DCAF6: variants seen among roughly 807,000 people sequenced by gnomAD.
DCAF6 encodes the protein DDB1- and CUL4-associated factor 6.
A neutral mutation model predicts 125.1 loss-of-function variants in DCAF6; 54 were observed. The observed-to-expected ratio is 0.43, with a 90% CI of 0.35 to 0.54. DCAF6 has a LOEUF of 0.54. Among genes scored for constraint, DCAF6 ranks in the 20% least tolerant of loss-of-function variants. The pLI, the probability that DCAF6 is intolerant of heterozygous loss-of-function variation, is 0.01. For missense variants in DCAF6, 934 were observed against 1,161.7 expected (o/e 0.80, Z 2.85); for synonymous variants, 371 against 390.4 (o/e 0.95, Z 0.58).
chr1:167,878,458 C>A, the DCAF6 span: 9 of 1,613,862 alleles, frequency 5.6e-6, no homozygotes, highest in Non-Finnish European at 7.6e-6. Flanking sequence ...TTTCTCAGTA[C>A]GGCCCCAATA....
intron 3 of DCAF6, 63 bp from the exon 4 acceptor site, chr1:167,974,767 T>C: frequency 7.7e-7 from 1 of 1,304,788 alleles, no homozygotes; most frequent in Non-Finnish European, 1.0e-6. Flanking sequence ...TATGATTATA[T>C]TAAAAATGAA....
intron 13 of DCAF6, among the ~76,000 whole-genome samples, chr1:168,041,840 T>G (rs1436663261): frequency 6.6e-6 from 1 of 151,614 alleles, no homozygotes; most frequent in Admixed American, 6.6e-5. Flanking sequence ...AGCTTTTTTT[T>G]GCCAAAATAG....
chr1:168,067,213 C>T (rs1692449910), intron 20 of DCAF6, among the ~76,000 whole-genome samples: 1 of 152,092 alleles, frequency 6.6e-6, no homozygotes, highest in African/African-American at 2.4e-5. Context: ...TAGCACAATT[C>T]CCATGTATAC....
intron 1 of DCAF6, among the ~76,000 whole-genome samples, chr1:167,946,213 C>T (rs1673066121): frequency 6.6e-6 from 1 of 152,146 alleles, no homozygotes; most frequent in Admixed American, 6.5e-5. Flanking sequence ...ACCTCAGCCT[C>T]CCAAAGTGCT....
intron 10 of DCAF6, among the ~76,000 whole-genome samples, chr1:168,012,654 G>A (rs530974965): frequency 6.6e-6 from 1 of 152,226 alleles, no homozygotes; most frequent in Non-Finnish European, 1.5e-5. Context: ...GTTATGTCTG[G>A]TTGAATTTTT....
At chr1:168,003,368 G>GTTAAT (rs1682904774) in intron 8 of DCAF6, among the ~76,000 whole-genome samples, 2 of 152,168 alleles carry the variant, frequency 1.3e-5, no homozygotes, top group African/African-American at 4.8e-5. Flanking sequence ...TCTGGTTCCA[G>GTTAAT]TTAATTTCAA....
chr1:167,899,763 T>G, the DCAF6 span: 1 of 824,444 alleles, frequency 1.2e-6, no homozygotes, highest in Non-Finnish European at 2.0e-6. Context: ...AAACTTTACA[T>G]AGGAATTATG....
At chr1:168,045,626 A>G (rs563688793) in intron 16 of DCAF6, among the ~76,000 whole-genome samples, 30 of 152,198 alleles carry the variant, frequency 2.0e-4, no homozygotes, top group Admixed American at 9.2e-4. Context: ...CTGCTTTTCT[A>G]TTGACCCTGG....
the DCAF6 span, among the ~76,000 whole-genome samples, chr1:167,865,590 T>C: frequency 6.6e-6 from 1 of 152,192 alleles, no homozygotes; most frequent in South Asian, 2.1e-4. Context: ...GAAGTATTAT[T>C]AAATATAAAA....
intron 21 of DCAF6, 99 bp downstream of exon 21, chr1:168,068,562 T>A (rs1034199778): frequency 3.5e-6 from 2 of 567,060 alleles, no homozygotes; most frequent in Non-Finnish European, 5.3e-6. Flanking sequence ...TTTTTTAATA[T>A]CACAAAATGA....
the DCAF6 span, among the ~76,000 whole-genome samples, chr1:167,893,452 C>T: frequency 6.6e-6 from 1 of 152,086 alleles, no homozygotes; most frequent in Non-Finnish European, 1.5e-5. Flanking sequence ...GTGGCTCATG[C>T]CCATAATCCC....
intron 2 of DCAF6, among the ~76,000 whole-genome samples, chr1:167,959,441 TG>T (rs1675256570): frequency 6.6e-6 from 1 of 152,244 alleles, no homozygotes; most frequent in Non-Finnish European, 1.5e-5. Context: ...AGGAGCATGC[TG>T]TATTGTGTAT....
rs35185748 is a variant in DCAF6 at position 168,007,962 on chromosome 1, CTTTTTTTTTTTTT to C, written c.1378+3184_1378+3196del. ...GTATGTTTTTGTTATTGTTGTACAT[CTTTTTTTTTTTTT>C]TTTTTTTTTTTTTTAAAGACAGTCT... On this transcript the variant is annotated intron_variant, in intron 10 of 21. Transcript: ENST00000367840. 2.6e-3 allele frequency among the ~76,000 whole-genome samples: 177 copies of C among 67,500 alleles called. 7 individuals carry two copies. The South Asian group carries it at 0.085, about 33-fold the overall frequency. The allele number at this position is 67,500 out of a possible 152,430, so 44.3% of individuals were successfully genotyped here. A position where few individuals can be genotyped will look rare whatever the true frequency, so the allele number is the denominator to read the frequency against.
At chr1:167,980,916 C>CTTTTT (rs71100920) in intron 4 of DCAF6, among the ~76,000 whole-genome samples, 4 of 113,566 alleles carry the variant, frequency 3.5e-5, no homozygotes, top group Admixed American at 1.0e-4. Flanking sequence ...TCTGAATTTT[C>CTTTTT]TTTTTTTTTT....
the DCAF6 span, among the ~76,000 whole-genome samples, chr1:167,916,323 C>T: frequency 3.9e-5 from 6 of 152,218 alleles, no homozygotes; most frequent in Non-Finnish European, 8.8e-5. Flanking sequence ...TCTCCTGCCT[C>T]AGCCTCTGGA....
chr1:168,033,400 C>T (rs1687376375), intron 12 of DCAF6, among the ~76,000 whole-genome samples: 1 of 150,806 alleles, frequency 6.6e-6, no homozygotes, highest in Non-Finnish European at 1.5e-5. Flanking sequence ...ACTGCAAGCT[C>T]CGCCTCCCGG....
chr1:167,951,947 G>A, intron 2 of DCAF6, 86 bp downstream of exon 2: 1 of 776,438 alleles, frequency 1.3e-6, no homozygotes. Flanking sequence ...CTCCCAGAAA[G>A]GATTGTGACT....
chr1:167,977,274 CTTCA>C (rs1678396483), intron 4 of DCAF6, among the ~76,000 whole-genome samples: 1 of 147,788 alleles, frequency 6.8e-6, no homozygotes, highest in South Asian at 2.1e-4. Flanking sequence ...CTTTTCTTTC[CTTCA>C]TTCATTCTTT....
At chr1:167,953,894 T>G (rs917786409) in intron 2 of DCAF6, among the ~76,000 whole-genome samples, 1 of 152,086 alleles carries the variant, frequency 6.6e-6, no homozygotes, top group African/African-American at 2.4e-5. Flanking sequence ...CCACTGTTCC[T>G]GGCCCAACAT....
Sources: gnomAD v4.1 joint callset for allele counts (sites outside exome capture counted in the v4.1 genomes callset) on GRCh38, gnomAD v4.1.1 for gene constraint, MANE v1.5 for transcripts, NCBI Gene and HGNC (gene_info 2026-07-23, HGNC 2026-07-21) for gene names.